The following MMP26 variants were observed in gnomAD, a reference collection of about 807,000 sequenced individuals.
MMP26 encodes matrix metallopeptidase 26, also known as matrix metalloproteinase-26.
MMP26 carries 33 observed loss-of-function variants against 31.0 expected under a neutral mutation model. The ratio of observed to expected loss-of-function variants is 1.06; its 90% CI spans 0.81 to 1.42. MMP26 has a LOEUF of 1.42. Ranked by LOEUF, MMP26 falls within the 40% of genes most tolerant of loss-of-function variation. The pLI is 0.00. For missense variants in MMP26, 347 were observed against 316.1 expected (o/e 1.10, Z -0.74); for synonymous variants, 122 against 114.9 (o/e 1.06, Z -0.40).
chr11:4,908,048 A>C lies in MMP26; in HGVS notation c.-144-80020A>C, dbSNP rs142152392. On this transcript the variant is annotated intron_variant, in intron 2 of 7. Coordinates refer to ENST00000380390, the MANE Select transcript of MMP26 (RefSeq NM_021801.5). ...GCTGATCTTGAAGACTATACTCAGC[A>C]TTGCATCTTTGGCAGAGAGGCTTAA... The C allele has an allele frequency of 1.5e-4, 235 of 1,614,046 alleles. No homozygotes were observed. Among genetic ancestry groups the C allele is most frequent in the Non-Finnish European group, 1.8e-4 (214 of 1,180,010 alleles).
At chr11:4,917,755 G>A (rs1851119952) in intron 2 of MMP26, among the ~76,000 whole-genome samples, 1 of 152,018 alleles carries the variant, frequency 6.6e-6, no homozygotes. Context: ...GTGTTCTGTA[G>A]AATCAGGTTT....
chr11:4,823,264 A>G (rs1715930310), intron 2 of MMP26, among the ~76,000 whole-genome samples: 1 of 152,184 alleles, frequency 6.6e-6, no homozygotes, highest in African/African-American at 2.4e-5. Flanking sequence ...GTGCTTCAAT[A>G]GCACATCACA....
rs139690464 is a variant in MMP26, at chr11:4,769,059, G to T, written c.-145+1718G>T. The T allele has an allele frequency of 3.9e-6, 6 of 1,556,204 alleles. No individual in the cohort carries two copies. Among genetic ancestry groups the T allele is most frequent in the Non-Finnish European group, 4.3e-6 (5 of 1,150,440 alleles). On this transcript the variant is annotated intron_variant, in intron 2 of 7. Transcript: ENST00000380390. ...CTGTCGATGATGGGGTTGAGCACAG[G>T]GGGTAAAAGCAGGTATACATTAGCC...
intron 2 of MMP26, among the ~76,000 whole-genome samples, chr11:4,783,785 C>G (rs762303051): frequency 6.6e-6 from 1 of 152,158 alleles, no homozygotes; most frequent in Non-Finnish European, 1.5e-5. Flanking sequence ...ATAAGTCTCA[C>G]AAGATCTGAT....
At chr11:4,860,542 T>C (rs1376646450) in intron 2 of MMP26, 1 of 467,562 alleles carries the variant, frequency 2.1e-6, no homozygotes, top group South Asian at 1.6e-5. Flanking sequence ...GTGGTTGGCC[T>C]GTGATGCATT....
At chr11:4,928,302 A>T (rs1851301293) in intron 2 of MMP26, among the ~76,000 whole-genome samples, 1 of 152,106 alleles carries the variant, frequency 6.6e-6, no homozygotes, top group Non-Finnish European at 1.5e-5. Context: ...CCATCTAAAA[A>T]CCACAGGTTT....
At chr11:4,983,218 G>T (rs1003512151) in intron 2 of MMP26, among the ~76,000 whole-genome samples, 3 of 152,142 alleles carry the variant, frequency 2.0e-5, no homozygotes, top group East Asian at 3.9e-4. Flanking sequence ...CTGTACTGGG[G>T]CATCGATGGC....
At chr11:4,939,197 G>A (rs1262764844) in intron 2 of MMP26, among the ~76,000 whole-genome samples, 1 of 152,000 alleles carries the variant, frequency 6.6e-6, no homozygotes, top group African/African-American at 2.4e-5. Context: ...TGTTTACACT[G>A]TTCACTGTTG....
intron 2 of MMP26, among the ~76,000 whole-genome samples, chr11:4,854,709 G>C (rs1053879665): frequency 3.4e-4 from 52 of 152,212 alleles, no homozygotes; most frequent in African/African-American, 1.3e-3. Context: ...GCTTTGAAGA[G>C]AGTAGTGGTT....
chr11:4,848,919 G>A, intron 2 of MMP26: 2 of 1,614,072 alleles, frequency 1.2e-6, no homozygotes, highest in East Asian at 4.5e-5. Context: ...GACAGTGTGA[G>A]CACCAGCAAG....
intron 2 of MMP26, among the ~76,000 whole-genome samples, chr11:4,906,896 C>G (rs1469857355): frequency 1.3e-5 from 2 of 151,876 alleles, no homozygotes; most frequent in Non-Finnish European, 2.9e-5. Context: ...TCAAGACCAG[C>G]CTGGCCAACA....
At position 4,884,610 on chromosome 11, in the gene MMP26, T is replaced by C. The variant is rs182015559; in HGVS notation, c.-144-103458T>C. On this transcript the variant is annotated intron_variant, in intron 2 of 7. Coordinates refer to ENST00000380390, the MANE Select transcript of MMP26 (RefSeq NM_021801.5). ...AGAGCAGACGTCCCAGAACACACACTAATCTAACCATCCAAACTTTTCTGC... is the reference window on the plus strand; with the variant it reads ...AGAGCAGACGTCCCAGAACACACACCAATCTAACCATCCAAACTTTTCTGC... Among the ~76,000 whole-genome samples, 192 of 152,248 alleles carry C rather than the reference T, an allele frequency of 1.3e-3. 3 individuals carry two copies. In the Middle Eastern group the frequency reaches 0.017, roughly 13 times the overall value.
chr11:4,950,057 A>G lies in MMP26; in HGVS notation c.-144-38011A>G, dbSNP rs1331678482. Among the ~76,000 whole-genome samples the G allele has an allele frequency of 4.0e-5, 5 of 123,704 alleles. 2 individuals are homozygous for G. Among genetic ancestry groups the G allele is most frequent in the Non-Finnish European group, 9.2e-5 (5 of 54,468 alleles). 81.2% of individuals were successfully genotyped at this position (123,704 alleles called of 152,430 possible). On this transcript the variant is annotated intron_variant, in intron 2 of 7. Coordinates refer to ENST00000380390, the MANE Select transcript of MMP26 (RefSeq NM_021801.5). ...TGATTTATGACAGTGACACAATTCT[A>G]TAAGGAATAGATGGTATTTACAATA...
At chr11:4,725,397 C>G (rs564735190) in intron 1 of MMP26, among the ~76,000 whole-genome samples, 2 of 152,160 alleles carry the variant, frequency 1.3e-5, no homozygotes, top group African/African-American at 2.4e-5. Context: ...CTTAAAATTG[C>G]AAATGTCTTT....
rs201149130 is a variant in MMP26 at position 4,923,746 on chromosome 11, G to T, written c.-144-64322G>T. 1.7e-4 allele frequency: 282 copies of T among 1,613,978 alleles called. No homozygotes were observed. The highest frequency in any genetic ancestry group is 9.6e-5 in the Non-Finnish European group (113 of 1,180,030). ...AGGCCACAACAAAGAGCCCATAGAT[G>T]TGATTGACAATGATGCTAGAGCAGG... On this transcript the variant is annotated intron_variant, in intron 2 of 7. Transcript: ENST00000380390.
At chr11:4,848,821 G>T in intron 2 of MMP26, 1 of 1,614,122 alleles carries the variant, frequency 6.2e-7, no homozygotes, top group Middle Eastern at 1.7e-4. Context: ...GCCAGTGCCC[G>T]ATCAATGGAC....
At chr11:4,973,466 C>T (rs1846693490) in intron 2 of MMP26, 2 of 152,446 alleles carry the variant, frequency 1.3e-5, no homozygotes, top group Admixed American at 1.3e-4. Flanking sequence ...GACTCTGGCA[C>T]TGGTGAGGAT....
At chr11:4,907,625 T>G in intron 2 of MMP26, 2 of 1,614,100 alleles carry the variant, frequency 1.2e-6, no homozygotes, top group South Asian at 2.2e-5. Flanking sequence ...GAGGGTCTTC[T>G]TGTTCAATGC....
rs377372478 is a variant in MMP26, at chr11:4,882,152, G to A, written c.-144-105916G>A. 69 of 1,613,864 alleles carry A rather than the reference G, an allele frequency of 4.3e-5. No homozygotes were observed. The South Asian group carries it at 5.3e-4, about 12-fold the overall frequency. The stretch of plus-strand genomic sequence containing the variant: ...CATTACGACCCTTCCCACTGTGCTT[G>A]GTGTTCTCTGGTTTCATGCCCGGGA... On this transcript the variant is annotated intron_variant, in intron 2 of 7. Transcript: ENST00000380390.
Sources: allele counts gnomAD v4.1 joint callset (sites outside exome capture counted in the v4.1 genomes callset), GRCh38; gene constraint gnomAD v4.1.1; transcripts MANE v1.5; gene names NCBI Gene and HGNC (gene_info 2026-07-23, HGNC 2026-07-21).